Variants in TRPM8 observed in about 807,000 individuals in gnomAD.
TRPM8 encodes TRPM8 cationic channel.
Under a neutral mutation model 133.7 loss-of-function variants are expected in TRPM8, and 110 were observed. The ratio of observed to expected loss-of-function variants is 0.82; its 90% confidence interval spans 0.70 to 0.96. The LOEUF is 0.96. Among genes scored for constraint, TRPM8 ranks in the 40% least tolerant of loss-of-function variants. TRPM8 has a pLI of 0.00. For synonymous variants in TRPM8, 535 were observed against 532.3 expected (o/e 1.01, Z -0.07); for missense variants, 1,291 against 1,379.5 (o/e 0.94, Z 1.02).
chr2:233,943,063 G>C, intron 6 of TRPM8: 1 of 246,278 alleles, frequency 4.1e-6, no homozygotes, highest in Non-Finnish European at 7.3e-6. Context: ...GCCAACTGCA[G>C]TATCTTTTTT....
At chr2:234,012,464 TG>T (rs1384065417) in intron 24 of TRPM8, among the ~76,000 whole-genome samples, 7 of 119,816 alleles carry the variant, frequency 5.8e-5, no homozygotes, top group African/African-American at 1.9e-4. Flanking sequence ...AGTTTTTTTT[TG>T]TGTGTGTGAG....
intron 23 of TRPM8, 63 bp from the exon 24 acceptor site, chr2:234,008,007 T>C (rs1321742022): frequency 6.6e-7 from 1 of 1,510,228 alleles, no homozygotes; most frequent in African/African-American, 1.4e-5. Flanking sequence ...AAATGGAGCC[T>C]AATAGCCCTC....
At chr2:233,944,906 T>G (rs1409777505) in intron 6 of TRPM8, among the ~76,000 whole-genome samples, 4 of 152,176 alleles carry the variant, frequency 2.6e-5, no homozygotes, top group Non-Finnish European at 5.9e-5. Context: ...AGTACTACTA[T>G]TCCCCCCTCA....
At chr2:233,973,322 A>G (rs561573433) in intron 17 of TRPM8, among the ~76,000 whole-genome samples, 39 of 152,344 alleles carry the variant, frequency 2.6e-4, no homozygotes, top group Non-Finnish European at 4.0e-4. Context: ...TCTGAGATCA[A>G]GCTGTCAGCA....
intron 6 of TRPM8, 52 bp from the exon 7 acceptor site, chr2:233,945,804 G>T: frequency 6.7e-7 from 1 of 1,491,472 alleles, no homozygotes; most frequent in East Asian, 2.3e-5. Flanking sequence ...ATATCATCAT[G>T]TATCTTGACT....
In TRPM8 at chr2:234,000,967, T is replaced by A. The variant is rs185472129; in HGVS notation, c.3130+4451T>A. The stretch of plus-strand genomic sequence containing the variant: ...TTCCCGGATTATAGGCGTTAGCTAC[T>A]GTTCTCAGCCAAACTTGAACATTTT... On this transcript the variant is annotated intron_variant, in intron 22 of 25. Transcript: ENST00000324695. Among the ~76,000 whole-genome samples, 9 of 152,346 alleles carry A rather than the reference T, an allele frequency of 5.9e-5. No individual in the cohort carries two copies. The East Asian group carries it at 1.7e-3, about 29-fold the overall frequency.
intron 1 of TRPM8, among the ~76,000 whole-genome samples, chr2:233,926,040 C>T (rs962828628): frequency 7.9e-5 from 12 of 152,182 alleles, no homozygotes; most frequent in Admixed American, 4.6e-4. Flanking sequence ...CAAGCCCTAC[C>T]CACCACCCTT....
intron 1 of TRPM8, among the ~76,000 whole-genome samples, chr2:233,925,753 T>C (rs1451114640): frequency 6.6e-6 from 1 of 152,092 alleles, no homozygotes; most frequent in Non-Finnish European, 1.5e-5. Flanking sequence ...TCATTTACTG[T>C]GTCAGCAGGA....
At chr2:233,993,046 A>T (rs28902220) in intron 21 of TRPM8, among the ~76,000 whole-genome samples, 1,882 of 152,294 alleles carry the variant, frequency 0.012, 31 homozygotes, top group African/African-American at 0.042. Context: ...AGAGAAAAAG[A>T]ACATTTTGGA....
At position 233,927,780 on chromosome 2, in the gene TRPM8, T is replaced by A; in HGVS notation, c.117+1126T>A. ...TTTCTTTCTTTCTTTCTTTCTTTCT[T>A]TCTTTCTTTCTTTTCTTTCCTTCCT... On this transcript the variant is annotated intron_variant, in intron 2 of 25. Transcript: ENST00000324695. Among the ~76,000 whole-genome samples, 2 of 49,374 alleles carry A rather than the reference T, an allele frequency of 4.1e-5. 1 individual carries two copies. Among genetic ancestry groups the A allele is most frequent in the South Asian group, 1.6e-3 (2 of 1,218 alleles). 32.4% of individuals were successfully genotyped at this position (49,374 alleles called of 152,430 possible).
At chr2:233,927,015 G>A (rs899922430) in intron 2 of TRPM8, among the ~76,000 whole-genome samples, 3 of 152,116 alleles carry the variant, frequency 2.0e-5, no homozygotes, top group Admixed American at 6.6e-5. Flanking sequence ...GGGTGCCAGC[G>A]GGAGGTGTGT....
chr2:233,920,618 G>T (rs955379230), intron 1 of TRPM8, among the ~76,000 whole-genome samples: 1 of 152,180 alleles, frequency 6.6e-6, no homozygotes, highest in Non-Finnish European at 1.5e-5. Flanking sequence ...GCATGGCTGT[G>T]CAGGGATATT....
chr2:233,952,157 T>C (rs1336499188), intron 9 of TRPM8, among the ~76,000 whole-genome samples: 1 of 152,228 alleles, frequency 6.6e-6, no homozygotes, highest in Non-Finnish European at 1.5e-5. Context: ...TCAGTAGATA[T>C]TTGTTGAGCA....
intron 25 of TRPM8, 130 bp downstream of exon 25, chr2:234,014,784 C>CAAAA (rs11422376): frequency 0.054 from 18,431 of 340,326 alleles, 1,493 homozygotes; most frequent in African/African-American, 0.24. Context: ...ATGCATTGTG[C>CAAAA]AAAAAAAAAA....
chr2:234,002,163 A>T (rs929165776), intron 22 of TRPM8, among the ~76,000 whole-genome samples: 3 of 151,852 alleles, frequency 2.0e-5, no homozygotes, highest in Admixed American at 6.6e-5. Context: ...GACCCAGAAG[A>T]TGAATTGGAA....
intron 20 of TRPM8, among the ~76,000 whole-genome samples, chr2:233,983,970 A>G (rs1692077865): frequency 6.6e-6 from 1 of 152,122 alleles, no homozygotes; most frequent in Non-Finnish European, 1.5e-5. Context: ...CCTTAGAAAC[A>G]GCTCTTTTCC....
chr2:233,922,116 T>C (rs543379149), intron 1 of TRPM8, among the ~76,000 whole-genome samples: 33 of 152,168 alleles, frequency 2.2e-4, no homozygotes, highest in Admixed American at 2.0e-3. Flanking sequence ...ATCAATTAAG[T>C]CTAGGTTAGA....
intron 16 of TRPM8, 44 bp downstream of exon 16, chr2:233,969,851 T>C (rs1691665733): frequency 7.8e-6 from 9 of 1,149,810 alleles, no homozygotes; most frequent in African/African-American, 1.5e-5. Context: ...TGTGTGCCAG[T>C]GTGTGTACAT....
rs201941621 is a variant in TRPM8, at chr2:233,961,008, G to A, written c.1595G>A (p.Arg532Gln). 36 of 1,614,016 alleles carry A rather than the reference G, an allele frequency of 2.2e-5. No individual in the cohort carries two copies. In the South Asian group the frequency reaches 2.6e-4, roughly 12 times the overall value. Residue 532 changes from arginine to glutamine, a missense_variant, in exon 12 of 26, where the codon CGA becomes CAA. Physicochemically the swap from Arg to Gln is conservative, Grantham distance 43 (BLOSUM62 1). Coordinates refer to ENST00000324695, the MANE Select transcript of TRPM8 (RefSeq NM_024080.5). ...GTCTGGAAACTGGTTGCGAACTTCC[G>A]AAGAGGCTTCCGGAAGGAAGACAGA... ...TFVWKLVANF[R>Q]RGFRKEDRNG...
Sources: gnomAD v4.1 joint callset for allele counts (sites outside exome capture counted in the v4.1 genomes callset) on GRCh38, gnomAD v4.1.1 for gene constraint, MANE v1.5 for transcripts, NCBI Gene and HGNC (gene_info 2026-07-23, HGNC 2026-07-21) for gene names.